HACE1: variants seen among roughly 807,000 people sequenced by gnomAD.
HACE1 encodes the protein E3 ubiquitin-protein ligase HACE1.
A neutral mutation model predicts 118.4 loss-of-function variants in HACE1; 73 were observed. That is an observed-to-expected ratio of 0.62 (90% confidence interval 0.51 to 0.75). HACE1 has a LOEUF of 0.75. HACE1 is among the 30% of genes least tolerant of loss of function. The pLI, the probability that HACE1 is intolerant of heterozygous loss-of-function variation, is 0.00. For synonymous variants in HACE1, 368 were observed against 374.8 expected, an observed-to-expected ratio of 0.98 and a Z score of 0.21; for missense variants, 749 against 1,102.2, an observed-to-expected ratio of 0.68 and a Z score of 4.54.
At position 104,750,485 on chromosome 6, in the gene HACE1, A is replaced by C; in HGVS notation, c.2212-13T>G. ...GGACGTACTCCGCCTGTTGAAAAAGAAGTTTTCATGATGACTTTTCAAAAA... is the reference window on the plus strand; with the variant it reads ...GGACGTACTCCGCCTGTTGAAAAAGCAGTTTTCATGATGACTTTTCAAAAA... On this transcript the variant is annotated splice_polypyrimidine_tract_variant and intron_variant, in intron 19 of 23. Coordinates refer to ENST00000262903, the MANE Select transcript of HACE1 (RefSeq NM_020771.4). 1.2e-6 allele frequency: 2 copies of C among 1,611,904 alleles called. No homozygotes were observed. Among genetic ancestry groups the C allele is most frequent in the Non-Finnish European group, 1.7e-6 (2 of 1,178,252 alleles).
chr6:104,738,926 G>A (rs1249812998), intron 22 of HACE1, among the ~76,000 whole-genome samples: 66 of 150,586 alleles, frequency 4.4e-4, no homozygotes, highest in African/African-American at 1.6e-3. Flanking sequence ...GAGAAAGGTC[G>A]GGTTACCCTC....
chr6:104,836,359 TTAAAG>T (rs1278879221), intron 5 of HACE1, among the ~76,000 whole-genome samples: 4 of 152,184 alleles, frequency 2.6e-5, no homozygotes, highest in East Asian at 3.9e-4. Flanking sequence ...TAAGAAAACT[TTAAAG>T]TAATAAAGTT....
At chr6:104,843,933 T>TACA (rs546201631) in intron 4 of HACE1, among the ~76,000 whole-genome samples, 2 of 151,908 alleles carry the variant, frequency 1.3e-5, no homozygotes, top group African/African-American at 4.8e-5. Flanking sequence ...CTTGGTTCAC[T>TACA]ACAACATCTG....
At chr6:104,829,288 AC>A (rs1464554117) in intron 6 of HACE1, among the ~76,000 whole-genome samples, 2 of 152,110 alleles carry the variant, frequency 1.3e-5, no homozygotes, top group Non-Finnish European at 2.9e-5. Context: ...TAAATCAGTA[AC>A]CTTTATCCTA....
At chr6:104,745,968 A>G (rs1777387534) in intron 20 of HACE1, among the ~76,000 whole-genome samples, 1 of 152,194 alleles carries the variant, frequency 6.6e-6, no homozygotes, top group Admixed American at 6.5e-5. Flanking sequence ...TCAACCAAAC[A>G]ACATACCAAA....
chr6:104,735,219 C>T (rs899186227), intron 22 of HACE1, among the ~76,000 whole-genome samples: 4 of 151,260 alleles, frequency 2.6e-5, no homozygotes, highest in Admixed American at 2.0e-4. Flanking sequence ...GAGTTAATAC[C>T]CCTAATATAT....
At chr6:104,748,612 CTAAAGGCATGT>C (rs1223428745) in intron 20 of HACE1, among the ~76,000 whole-genome samples, 1 of 152,060 alleles carries the variant, frequency 6.6e-6, no homozygotes, top group Non-Finnish European at 1.5e-5. Flanking sequence ...TTATGTTTTC[CTAAAGGCATGT>C]TTATAGCAGC....
chr6:104,850,615 G>A (rs1450489362), intron 3 of HACE1, among the ~76,000 whole-genome samples: 3 of 152,162 alleles, frequency 2.0e-5, no homozygotes, highest in African/African-American at 7.2e-5. Flanking sequence ...GGGATAAAAA[G>A]AAAATTTTGG....
At chr6:104,739,217 A>G (rs1440678885) in intron 22 of HACE1, among the ~76,000 whole-genome samples, 3 of 152,226 alleles carry the variant, frequency 2.0e-5, no homozygotes, top group Admixed American at 1.3e-4. Context: ...AAATCATGCC[A>G]AAATGTAAAG....
intron 5 of HACE1, among the ~76,000 whole-genome samples, chr6:104,833,898 T>C (rs1204344160): frequency 6.6e-6 from 1 of 152,014 alleles, no homozygotes; most frequent in Non-Finnish European, 1.5e-5. Flanking sequence ...GGCAGGGGAA[T>C]CACTTGAACC....
chr6:104,739,937 T>C (rs1269716270), intron 22 of HACE1, among the ~76,000 whole-genome samples: 27 of 151,750 alleles, frequency 1.8e-4, no homozygotes, highest in Non-Finnish European at 2.7e-4. Context: ...CCTCAGCAAA[T>C]GTAAAAGAAC....
chr6:104,747,765 T>C (rs1463521397), intron 20 of HACE1, among the ~76,000 whole-genome samples: 1 of 152,186 alleles, frequency 6.6e-6, no homozygotes, highest in East Asian at 1.9e-4. Context: ...TGAGCGTTTT[T>C]AAAGTTAATA....
chr6:104,767,679 T>C (rs1378377252), intron 19 of HACE1, among the ~76,000 whole-genome samples: 2 of 152,182 alleles, frequency 1.3e-5, no homozygotes, highest in Admixed American at 1.3e-4. Context: ...ACATCATCTT[T>C]TTCTACTTGC....
intron 5 of HACE1, among the ~76,000 whole-genome samples, chr6:104,840,555 G>A (rs770387585): frequency 6.6e-6 from 1 of 152,026 alleles, no homozygotes; most frequent in Non-Finnish European, 1.5e-5. Flanking sequence ...GAGGCCCGTC[G>A]CGGTGGCTCA....
intron 7 of HACE1, among the ~76,000 whole-genome samples, chr6:104,798,382 T>C (rs188904058): frequency 6.6e-6 from 1 of 152,192 alleles, no homozygotes; most frequent in Admixed American, 6.5e-5. Context: ...TAAAACCAAT[T>C]GGAATTAAAG....
chr6:104,773,926 A>T (rs1358385246), intron 17 of HACE1, among the ~76,000 whole-genome samples: 2 of 152,024 alleles, frequency 1.3e-5, no homozygotes, highest in East Asian at 3.8e-4. Context: ...TCATGCTCTC[A>T]GAAAAATCCT....
intron 17 of HACE1, among the ~76,000 whole-genome samples, chr6:104,772,872 T>C (rs1033330759): frequency 6.6e-6 from 1 of 152,116 alleles, no homozygotes; most frequent in Non-Finnish European, 1.5e-5. Flanking sequence ...TGGGAGATAT[T>C]GCTTAACGGG....
intron 1 of HACE1, among the ~76,000 whole-genome samples, chr6:104,857,042 A>G (rs1290375263): frequency 6.6e-6 from 1 of 151,874 alleles, no homozygotes; most frequent in Non-Finnish European, 1.5e-5. Flanking sequence ...AATTCTAACA[A>G]AGCAAAAAAA....
chr6:104,839,332 A>G (rs1320570037), intron 5 of HACE1, among the ~76,000 whole-genome samples: 1 of 152,242 alleles, frequency 6.6e-6, no homozygotes, highest in African/African-American at 2.4e-5. Flanking sequence ...TGGATGGAAT[A>G]CTATTCAGCA....
Sources: gnomAD v4.1 joint callset for allele counts (sites outside exome capture counted in the v4.1 genomes callset) on GRCh38, gnomAD v4.1.1 for gene constraint, MANE v1.5 for transcripts, NCBI Gene and HGNC (gene_info 2026-07-23, HGNC 2026-07-21) for gene names.